The following C17orf67 variants were observed in gnomAD, a reference collection of about 807,000 sequenced individuals.
C17orf67 encodes chromosome 17 open reading frame 67, also known as uncharacterized protein C17orf67.
In C17orf67, 12 loss-of-function variants were observed where a neutral mutation model predicts 11.2. That is an observed-to-expected ratio of 1.07 (90% confidence interval 0.68 to 1.73). C17orf67 has a LOEUF of 1.73. Ranked by LOEUF, C17orf67 falls within the 40% of genes most tolerant of loss-of-function variation. The pLI is 0.00. For missense variants in C17orf67, 115 were observed against 113.5 expected (o/e 1.01, Z -0.06); for synonymous variants, 59 against 46.9 (o/e 1.26, Z -1.05).
chr17:56,792,646 A>ATGGTGGTGGTGGTGG (rs1905127008), intron 7 of C17orf67, among the ~76,000 whole-genome samples: 2 of 97,730 alleles, frequency 2.0e-5, no homozygotes, highest in Non-Finnish European at 4.6e-5. Flanking sequence ...GGTGGTGGTG[A>ATGGTGGTGGTGGTGG]TGGTGCTGAT....
intron 4 of C17orf67, among the ~76,000 whole-genome samples, chr17:56,820,355 G>A (rs576033256): frequency 1.1e-3 from 170 of 152,268 alleles, no homozygotes; most frequent in African/African-American, 3.9e-3. Context: ...GTGGTGGCTG[G>A]AGCGTGTCCC....
chr17:56,830,668 T>TA (rs1220430060), intron 2 of C17orf67, among the ~76,000 whole-genome samples: 2 of 152,250 alleles, frequency 1.3e-5, no homozygotes, highest in Non-Finnish European at 2.9e-5. Flanking sequence ...GTAAGAGAGA[T>TA]ACCTGACAAA....
chr17:56,824,161 G>A (rs1905971203), intron 4 of C17orf67, among the ~76,000 whole-genome samples: 6 of 152,212 alleles, frequency 3.9e-5, no homozygotes, highest in Admixed American at 3.9e-4. Context: ...TGGGGAGTGA[G>A]TTTGTTCTCT....
chr17:56,826,484 C>G lies in C17orf67; in HGVS notation c.-556-1163G>C, dbSNP rs555103052. On this transcript the variant is annotated intron_variant, in intron 2 of 7. Coordinates refer to ENST00000397861, the MANE Select transcript of C17orf67 (RefSeq NM_001085430.4). ...GTCCAGGTTCTCTTCCCAGGCCTCA[C>G]AATCCCATCTAACACTCCTCCCACT... is the stretch of plus-strand genomic sequence containing the variant. 4.6e-5 allele frequency among the ~76,000 whole-genome samples: 7 copies of G among 152,290 alleles called. No homozygotes were observed. The South Asian group carries it at 1.2e-3, about 27-fold the overall frequency.
intron 6 of C17orf67, among the ~76,000 whole-genome samples, chr17:56,797,883 C>A (rs1597987123): frequency 6.6e-6 from 1 of 152,124 alleles, no homozygotes; most frequent in Non-Finnish European, 1.5e-5. Context: ...GGCATTATGT[C>A]CTATAAGTGA....
chr17:56,819,744 C>G (rs576061741), intron 4 of C17orf67, among the ~76,000 whole-genome samples: 2 of 152,302 alleles, frequency 1.3e-5, no homozygotes, highest in Admixed American at 6.5e-5. Context: ...GGTGAGAATT[C>G]TCTTCTAAAC....
At chr17:56,806,180 T>C (rs972339696) in intron 6 of C17orf67, among the ~76,000 whole-genome samples, 1 of 151,956 alleles carries the variant, frequency 6.6e-6, no homozygotes, top group African/African-American at 2.4e-5. Context: ...TTCACTATGT[T>C]AGCCAGGATG....
intron 6 of C17orf67, among the ~76,000 whole-genome samples, chr17:56,811,620 G>A (rs1295031769): frequency 5.3e-5 from 8 of 152,256 alleles, no homozygotes; most frequent in African/African-American, 1.9e-4. Flanking sequence ...AAATCAGGCT[G>A]GGGCACTCTG....
Position 56,815,817 on chromosome 17 carries a change from T to G in C17orf67, c.-7A>C. ...GCACAGGCAATGTCTTCATCCTGCC[T>G]TGGTTCCTCTGCCTCTTGCTGAGTG... On this transcript the variant is annotated 5_prime_UTR_variant, in exon 5 of 8. Transcript: ENST00000397861. 2 of 1,613,898 alleles carry G rather than the reference T, an allele frequency of 1.2e-6. No homozygotes were observed. Among genetic ancestry groups the G allele is most frequent in the Non-Finnish European group, 1.7e-6 (2 of 1,179,876 alleles).
intron 6 of C17orf67, among the ~76,000 whole-genome samples, chr17:56,809,449 C>A (rs1905534936): frequency 6.6e-6 from 1 of 151,890 alleles, no homozygotes; most frequent in African/African-American, 2.4e-5. Context: ...GGAACTCAGA[C>A]CTTCTGAAAA....
intron 6 of C17orf67, among the ~76,000 whole-genome samples, chr17:56,798,421 C>A (rs931686375): frequency 2.6e-5 from 4 of 152,168 alleles, no homozygotes; most frequent in East Asian, 1.9e-4. Context: ...CAGCCTCCCC[C>A]ACTACCAACA....
intron 6 of C17orf67, among the ~76,000 whole-genome samples, chr17:56,810,718 C>T (rs1905602649): frequency 6.6e-6 from 1 of 152,232 alleles, no homozygotes; most frequent in Admixed American, 6.5e-5. Context: ...TATGGCAGCT[C>T]TAATGCCAGC....
chr17:56,820,444 C>T (rs1337211530), intron 4 of C17orf67, among the ~76,000 whole-genome samples: 1 of 152,142 alleles, frequency 6.6e-6, no homozygotes, highest in African/African-American at 2.4e-5. Flanking sequence ...ACACACCCAC[C>T]CACACACACT....
intron 2 of C17orf67, among the ~76,000 whole-genome samples, chr17:56,829,219 T>C (rs1446698451): frequency 6.6e-6 from 1 of 152,032 alleles, no homozygotes; most frequent in Non-Finnish European, 1.5e-5. Flanking sequence ...GAGATTGCAG[T>C]GAGCTGAGAT....
At chr17:56,826,763 T>A (rs1030375700) in intron 2 of C17orf67, among the ~76,000 whole-genome samples, 3 of 152,262 alleles carry the variant, frequency 2.0e-5, no homozygotes, top group African/African-American at 7.2e-5. Flanking sequence ...CTGACTTAGT[T>A]GACCAAGTTA....
At chr17:56,817,003 C>T (rs796951867) in intron 4 of C17orf67, among the ~76,000 whole-genome samples, 5 of 152,210 alleles carry the variant, frequency 3.3e-5, no homozygotes, top group African/African-American at 1.2e-4. Flanking sequence ...GCACGCACCA[C>T]AACACTCAAT....
At chr17:56,819,788 G>GTA in intron 4 of C17orf67, among the ~76,000 whole-genome samples, 1 of 152,332 alleles carries the variant, frequency 6.6e-6, no homozygotes, top group Non-Finnish European at 1.5e-5. Flanking sequence ...CCCCAGCGGG[G>GTA]TAACGAGGTG....
intron 7 of C17orf67, among the ~76,000 whole-genome samples, chr17:56,793,069 G>C (rs1055438853): frequency 6.6e-6 from 1 of 151,856 alleles, no homozygotes; most frequent in South Asian, 2.1e-4. Context: ...GACTAAGGAA[G>C]AGGACGAGTA....
intron 6 of C17orf67, among the ~76,000 whole-genome samples, chr17:56,806,165 G>A (rs1272444162): frequency 6.6e-6 from 1 of 151,634 alleles, no homozygotes; most frequent in Non-Finnish European, 1.5e-5. Flanking sequence ...TAATAGAGAC[G>A]GGGTTTCACT....
Sources: allele counts gnomAD v4.1 joint callset (sites outside exome capture counted in the v4.1 genomes callset), GRCh38; gene constraint gnomAD v4.1.1; transcripts MANE v1.5; gene names NCBI Gene and HGNC (gene_info 2026-07-23, HGNC 2026-07-21).